Variants in PIGN observed in about 807,000 individuals in gnomAD.
PIGN encodes the protein phosphatidylinositol glycan anchor biosynthesis class N.
A neutral mutation model predicts 125.4 loss-of-function variants in PIGN; 117 were observed. That is an observed-to-expected ratio of 0.93 (90% confidence interval 0.80 to 1.09). The LOEUF (loss-of-function observed/expected upper bound fraction) is 1.09. PIGN is among the 50% of genes least tolerant of loss of function. The probability of loss-of-function intolerance (pLI) is 0.00; values close to 1 mark genes in which losing one functional copy is unlikely to be tolerated. For missense variants in PIGN, 1,075 were observed against 1,094.9 expected (o/e 0.98, Z 0.26); for synonymous variants, 392 against 377.8 (o/e 1.04, Z -0.44).
chr18:62,027,577 T>A (rs1265362757), intron 23 of PIGN, among the ~76,000 whole-genome samples: 2 of 152,226 alleles, frequency 1.3e-5, no homozygotes, highest in Non-Finnish European at 1.5e-5. Flanking sequence ...GGTTGCATTC[T>A]TTTGAGTTTC....
rs1220795520 is a variant in PIGN, at chr18:62,041,640, G to GGTGTGTGTGTGTGTGTGTGT, written c.*4196_*4215dup. 1.8e-4 allele frequency: 14 copies of GGTGTGTGTGTGTGTGTGTGT among 77,540 alleles called. No individual in the cohort carries two copies. The highest frequency in any genetic ancestry group is 3.0e-4 in the Admixed American group (2 of 6,760). The allele number at this position is 77,540 out of a possible 1,614,324, so 4.8% of individuals were successfully genotyped here. A position where few individuals can be genotyped will look rare whatever the true frequency, so the allele number is the denominator to read the frequency against. ...ATTACAGGAGCCTACCACCCCGCCG[G>GGTGTGTGTGTGTGTGTGTGT]GTGTGTGTGTGTGTGTGTGTGTGTG... On this transcript the variant is annotated 3_prime_UTR_variant, in exon 31 of 31. Coordinates refer to ENST00000640252, the MANE Select transcript of PIGN (RefSeq NM_176787.5).
chr18:62,031,249 C>T (rs759199231), intron 23 of PIGN, among the ~76,000 whole-genome samples: 17 of 152,190 alleles, frequency 1.1e-4, no homozygotes, highest in African/African-American at 1.9e-4. Flanking sequence ...GCTCCTCATT[C>T]GCCTTCCACC....
At position 62,157,668 on chromosome 18, in the gene PIGN, T is replaced by C. The variant is rs1022348980; in HGVS notation, c.343+19A>G. 1 of 1,602,654 alleles carries C rather than the reference T, an allele frequency of 6.2e-7. No individual in the cohort carries two copies. The highest frequency in any genetic ancestry group is 1.1e-5 in the South Asian group (1 of 88,962). On this transcript the variant is annotated intron_variant, in intron 5 of 30. Transcript: ENST00000640252. The stretch of plus-strand genomic sequence containing the variant: ...TTGACAAATTTTTCATTTCATAAGA[T>C]TGTCCAAATAGACAATACCTTTGGC...
At position 62,033,400 on chromosome 18, in the gene PIGN, G is replaced by A. The variant is rs78445381; in HGVS notation, c.2143-15659C>T. Among the ~76,000 whole-genome samples, 878 of 152,338 alleles carry A rather than the reference G, an allele frequency of 5.8e-3. 40 individuals carry two copies. In the East Asian group the frequency reaches 0.091, roughly 16 times the overall value. On this transcript the variant is annotated intron_variant, in intron 23 of 24. Transcript: ENST00000639600. ...AAAAAAACTGCACCACTTCCTGGCT[G>A]TTTGACTTGGGTGAGTTAACCTGAA...
intron 19 of PIGN, among the ~76,000 whole-genome samples, chr18:62,106,157 C>T (rs1367940874): frequency 2.0e-5 from 3 of 152,056 alleles, no homozygotes; most frequent in African/African-American, 4.8e-5. Context: ...AGATTAAGAT[C>T]CCTCACAAAT....
chr18:62,058,075 T>C (rs1055521234), intron 30 of PIGN, among the ~76,000 whole-genome samples: 1 of 76,574 alleles, frequency 1.3e-5, no homozygotes, highest in African/African-American at 3.3e-5. Context: ...CACCTGCCAC[T>C]GAAGGTGGGT....
chr18:62,046,869 C>T (rs113623941), intron 30 of PIGN, among the ~76,000 whole-genome samples: 3,320 of 152,242 alleles, frequency 0.022, 101 homozygotes, highest in African/African-American at 0.056. Flanking sequence ...ATGTTGGACA[C>T]TATAAACAAA....
chr18:62,147,067 C>T lies in PIGN; in HGVS notation c.709G>A (p.Gly237Arg), dbSNP rs367920804. 24 of 1,606,460 alleles carry T rather than the reference C, an allele frequency of 1.5e-5. No homozygotes were observed. The highest frequency in any genetic ancestry group is 1.9e-5 in the Non-Finnish European group (22 of 1,174,136). Residue 237 changes from glycine (G) to arginine (R), a missense_variant, in exon 9 of 31, where the codon GGA (glycine) becomes AGA (arginine). Physicochemically the swap from Gly to Arg is moderately radical, Grantham distance 125 (BLOSUM62 -2). Around this residue, in one of 3 missense-constraint regions of PIGN, gnomAD observed 915 missense variants for 908.7 expected, o/e 1.01. Transcript: ENST00000640252. ...AACATAGACACGATTTCTTTAACTCCATCATCAACTTTTTTAATATTGTGC... is the reference window on the plus strand; with the variant it reads ...AACATAGACACGATTTCTTTAACTCTATCATCAACTTTTTTAATATTGTGC... ...YKHNIKKVDD[G>R]VKEIVSMFNH... is the part of the protein sequence containing the mutation.
intron 1 of PIGN, among the ~76,000 whole-genome samples, chr18:62,165,332 T>C (rs1187564509): frequency 1.3e-5 from 2 of 152,204 alleles, no homozygotes; most frequent in African/African-American, 2.4e-5. Flanking sequence ...GTGAACTAAA[T>C]AAACCTCTTT....
At chr18:62,066,316 T>C (rs28529242) in intron 30 of PIGN, among the ~76,000 whole-genome samples, 50,731 of 151,952 alleles carry the variant, frequency 0.33, 9,357 homozygotes, top group East Asian at 0.63. Context: ...TGATCGACTC[T>C]GTGACATGAG....
chr18:62,130,130 G>C (rs1483655577), intron 14 of PIGN, among the ~76,000 whole-genome samples: 2 of 152,180 alleles, frequency 1.3e-5, no homozygotes, highest in African/African-American at 4.8e-5. Context: ...CTAAGCCTTT[G>C]GAGGGAGCAT....
chr18:62,061,303 TCAC>T (rs2032107035), intron 30 of PIGN, among the ~76,000 whole-genome samples: 1 of 151,674 alleles, frequency 6.6e-6, no homozygotes, highest in African/African-American at 2.4e-5. Context: ...TCCATGGCAA[TCAC>T]CACAACACTA....
chr18:62,051,037 C>A (rs1402903084), intron 30 of PIGN, among the ~76,000 whole-genome samples: 2 of 149,744 alleles, frequency 1.3e-5, no homozygotes, highest in Non-Finnish European at 3.0e-5. Flanking sequence ...AGCCTTGCAT[C>A]CCAGGGATGA....
intron 30 of PIGN, among the ~76,000 whole-genome samples, chr18:62,065,644 C>G (rs999587818): frequency 6.6e-6 from 1 of 151,874 alleles, no homozygotes; most frequent in Non-Finnish European, 1.5e-5. Context: ...GAGGCTGAGG[C>G]AGGAGAATGG....
At chr18:62,048,332 C>G (rs187260686) in intron 30 of PIGN, among the ~76,000 whole-genome samples, 3 of 152,246 alleles carry the variant, frequency 2.0e-5, no homozygotes, top group Admixed American at 1.3e-4. Context: ...AGACATAAAT[C>G]TTACAGAAGC....
chr18:62,120,576 T>C (rs371225835), intron 14 of PIGN, among the ~76,000 whole-genome samples: 1 of 152,046 alleles, frequency 6.6e-6, no homozygotes, highest in Non-Finnish European at 1.5e-5. Flanking sequence ...AATTAAAATA[T>C]ATAACAATAA....
rs145300937 is a variant in PIGN at position 62,117,872 on chromosome 18, C to T, written c.1173-3233G>A. On this transcript the variant is annotated intron_variant, in intron 14 of 30. Coordinates refer to ENST00000640252, the MANE Select transcript of PIGN (RefSeq NM_176787.5). ...TTAACATAATGATCTCCAGTTCCACCCATGTTGCTGCAAATGACAGGATTT... is the reference window on the plus strand; with the variant it reads ...TTAACATAATGATCTCCAGTTCCACTCATGTTGCTGCAAATGACAGGATTT... Among the ~76,000 whole-genome samples, 598 of 152,018 alleles carry T rather than the reference C, an allele frequency of 3.9e-3. 6 individuals are homozygous for T. Among genetic ancestry groups the T allele is most frequent in the African/African-American group, 0.014 (573 of 41,456 alleles).
chr18:62,130,191 A>G (rs1353420626), intron 14 of PIGN, among the ~76,000 whole-genome samples: 1 of 152,138 alleles, frequency 6.6e-6, no homozygotes, highest in Non-Finnish European at 1.5e-5. Context: ...TTTGGACTTT[A>G]GTCTCTAGAA....
chr18:62,183,466 C>G (rs1406215102), intron 1 of PIGN, among the ~76,000 whole-genome samples: 1 of 152,156 alleles, frequency 6.6e-6, no homozygotes, highest in East Asian at 1.9e-4. Flanking sequence ...AGGCTCAATT[C>G]CTCTCTGCAG....
Sources: gnomAD v4.1 joint callset for allele counts (sites outside exome capture counted in the v4.1 genomes callset) on GRCh38, gnomAD v4.1.1 for gene constraint, gnomAD v4.1.1 regional missense constraint, MANE v1.5 for transcripts, NCBI Gene and HGNC (gene_info 2026-07-23, HGNC 2026-07-21) for gene names.